Variants in EXOC6 observed in about 807,000 individuals in gnomAD.
The protein encoded by EXOC6 is SEC15-like 1.
A neutral mutation model predicts 112.5 loss-of-function variants in EXOC6; 60 were observed. That is an observed-to-expected ratio of 0.53 (90% CI 0.43 to 0.66). EXOC6 has a LOEUF of 0.66. Among genes scored for constraint, EXOC6 ranks in the 30% least tolerant of loss-of-function variants. The probability of loss-of-function intolerance (pLI) is 0.00; values close to 1 mark genes in which losing one functional copy is unlikely to be tolerated. For synonymous variants in EXOC6, 295 were observed against 308.0 expected, an observed-to-expected ratio of 0.96 and a Z score of 0.44; for missense variants, 855 against 957.1, an observed-to-expected ratio of 0.89 and a Z score of 1.41.
At chr10:92,898,268 T>TA (rs1220258535) in intron 4 of EXOC6, among the ~76,000 whole-genome samples, 11 of 56,536 alleles carry the variant, frequency 1.9e-4, no homozygotes, top group South Asian at 7.5e-4. Flanking sequence ...AAAATTAAAA[T>TA]TAAAAAAAAA....
At chr10:92,948,191 T>C (rs1853153500) in intron 13 of EXOC6, 83 bp from the exon 14 acceptor site, 2 of 806,206 alleles carry the variant, frequency 2.5e-6, no homozygotes, top group Non-Finnish European at 3.9e-6. Context: ...TTTGTAATAG[T>C]TGGGGTTTTT....
intron 18 of EXOC6, among the ~76,000 whole-genome samples, chr10:92,975,636 G>T (rs1440911584): frequency 1.5e-4 from 19 of 126,430 alleles, no homozygotes; most frequent in East Asian, 7.8e-4. Context: ...CCCCCTGCCC[G>T]GCCAGCCACC....
intron 13 of EXOC6, among the ~76,000 whole-genome samples, chr10:92,941,128 G>A (rs1272338018): frequency 1.3e-5 from 2 of 151,950 alleles, no homozygotes; most frequent in Non-Finnish European, 2.9e-5. Context: ...CTCTTGCTTT[G>A]TCTCTAAAAT....
At chr10:92,900,164 C>T (rs1036738147) in intron 5 of EXOC6, 13 of 152,354 alleles carry the variant, frequency 8.5e-5, no homozygotes, top group African/African-American at 3.1e-4. Flanking sequence ...TGTCATGGCT[C>T]ATGCTTGTAA....
At chr10:92,985,255 T>C (rs1842960029) in intron 18 of EXOC6, among the ~76,000 whole-genome samples, 1 of 152,124 alleles carries the variant, frequency 6.6e-6, no homozygotes, top group Non-Finnish European at 1.5e-5. Context: ...TCAGTTATTT[T>C]CCCTGTTTTC....
intron 14 of EXOC6, among the ~76,000 whole-genome samples, chr10:92,949,354 C>T (rs1853252145): frequency 6.6e-6 from 1 of 152,174 alleles, no homozygotes; most frequent in South Asian, 2.1e-4. Context: ...GTAGCTAATG[C>T]CGCCATTGCA....
rs67242778 is a variant in EXOC6 at position 92,988,800 on chromosome 10, TACACACACACACACACACACACAC to T, written c.1954-8657_1954-8634del. Among the ~76,000 whole-genome samples the T allele has an allele frequency of 8.4e-5, 12 of 143,090 alleles. No homozygotes were observed. In the East Asian group the frequency reaches 2.2e-3, roughly 26 times the overall value. The allele number at this position is 143,090 out of a possible 152,430, so 93.9% of individuals were successfully genotyped here. Reference sequence around the variant, plus strand: ...GACAAAACCCCATCTCTACAAAAAATACACACACACACACACACACACACACACACACACACACACGCATTTCTG... The same window carrying T: ...GACAAAACCCCATCTCTACAAAAAATACACACACACACACACGCATTTCTG... On this transcript the variant is annotated intron_variant, in intron 18 of 21. Coordinates refer to ENST00000260762, the MANE Select transcript of EXOC6 (RefSeq NM_019053.6).
At chr10:92,966,802 C>G (rs1842088377) in intron 17 of EXOC6, among the ~76,000 whole-genome samples, 1 of 148,250 alleles carries the variant, frequency 6.7e-6, no homozygotes, top group South Asian at 2.2e-4. Context: ...GGGTATATAC[C>G]CAGTAATGGG....
intron 18 of EXOC6, among the ~76,000 whole-genome samples, chr10:92,975,001 T>C (rs904717284): frequency 7.2e-5 from 11 of 151,996 alleles, no homozygotes; most frequent in Non-Finnish European, 1.3e-4. Context: ...GTCTGGGAAG[T>C]GAGGAGCGTC....
chr10:92,967,637 T>C (rs1162856021), intron 17 of EXOC6, among the ~76,000 whole-genome samples: 1 of 152,192 alleles, frequency 6.6e-6, no homozygotes, highest in Admixed American at 6.6e-5. Context: ...TTTTAAAAGC[T>C]TGTTATGCAT....
intron 18 of EXOC6, among the ~76,000 whole-genome samples, chr10:92,993,848 T>C (rs1843366740): frequency 6.6e-6 from 1 of 152,206 alleles, no homozygotes; most frequent in African/African-American, 2.4e-5. Context: ...TTTCACAGCT[T>C]GCAGTGAGGG....
chr10:92,861,222 C>T (rs1449931333), intron 1 of EXOC6, among the ~76,000 whole-genome samples: 1 of 152,202 alleles, frequency 6.6e-6, no homozygotes, highest in South Asian at 2.1e-4. Context: ...TTCTACCTCA[C>T]CCCCTGATTA....
At chr10:92,959,766 A>G (rs1853883892) in intron 17 of EXOC6, among the ~76,000 whole-genome samples, 1 of 152,246 alleles carries the variant, frequency 6.6e-6, no homozygotes, top group South Asian at 2.1e-4. Context: ...AAGATGTTCC[A>G]TATATATGTC....
intron 19 of EXOC6, among the ~76,000 whole-genome samples, chr10:93,011,099 T>A (rs1210222241): frequency 1.3e-5 from 2 of 152,110 alleles, no homozygotes; most frequent in Non-Finnish European, 2.9e-5. Flanking sequence ...TGAGTCTCCC[T>A]GCATCATAGA....
intron 1 of EXOC6, among the ~76,000 whole-genome samples, chr10:92,870,940 C>T (rs1002222319): frequency 6.6e-6 from 1 of 152,104 alleles, no homozygotes; most frequent in African/African-American, 2.4e-5. Flanking sequence ...GATCTGCTGA[C>T]CTCGTGATCC....
intron 1 of EXOC6, among the ~76,000 whole-genome samples, chr10:92,858,022 T>TCTCCCCCCC: frequency 9.9e-6 from 1 of 101,270 alleles, no homozygotes; most frequent in Non-Finnish European, 2.0e-5. Flanking sequence ...GTTGACGGGT[T>TCTCCCCCCC]CCCCCCCTCC....
At chr10:92,954,491 A>G (rs1853583746) in intron 15 of EXOC6, 139 bp from the exon 16 acceptor site, 1 of 462,326 alleles carries the variant, frequency 2.2e-6, no homozygotes, top group Middle Eastern at 5.5e-4. Flanking sequence ...TTTAATAAAT[A>G]TGGGTCTTTG....
chr10:92,848,575 C>T lies in EXOC6; in HGVS notation c.42C>T (p.His14=). 2 of 1,453,974 alleles carry T rather than the reference C, an allele frequency of 1.4e-6. No homozygotes were observed. The highest frequency in any genetic ancestry group is 1.8e-6 in the Non-Finnish European group (2 of 1,086,382). 90.1% of individuals were successfully genotyped at this position (1,453,974 alleles called of 1,614,324 possible). A position where few individuals can be genotyped will look rare whatever the true frequency, so the allele number is the denominator to read the frequency against. ...NSESLGTVPE[H]ERILQEIEST... is the part of the protein sequence containing the mutation. ...AGAGTCTGGGCACCGTCCCCGAGCA[C>T]GAGCGGATCTTGCAGGAGATCGAGA... Residue 14 remains histidine, a synonymous_variant, in exon 1 of 22, where the codon CAC becomes CAT. Transcript: ENST00000260762.
chr10:93,058,349 C>T lies in EXOC6; in HGVS notation c.2409C>T (p.His803=), dbSNP rs1846642189. ...LRSLVNGMSQ[H]M ...GTTTGGTGAATGGTATGTCCCAGCA[C>T]ATGTAGACCTCACATGGCTTGCACT... The change falls in exon 22 of 22, where the codon CAC becomes CAT. Residue 803 remains histidine (H), a synonymous_variant. Transcript: ENST00000260762. 6.2e-7 allele frequency: 1 copy of T among 1,601,278 alleles called. No homozygotes were observed. The highest frequency in any genetic ancestry group is 1.3e-5 in the African/African-American group (1 of 74,288).
Sources: gnomAD v4.1 joint callset for allele counts (sites outside exome capture counted in the v4.1 genomes callset) on GRCh38, gnomAD v4.1.1 for gene constraint, MANE v1.5 for transcripts, NCBI Gene and HGNC (gene_info 2026-07-23, HGNC 2026-07-21) for gene names.